Variants in HIP1 observed in about 807,000 individuals in gnomAD.
HIP1 encodes huntingtin interacting protein 1.
In HIP1, 65 loss-of-function variants were observed where a neutral mutation model predicts 147.6. The ratio of observed to expected loss-of-function variants is 0.44; its 90% confidence interval spans 0.36 to 0.54. HIP1 has a LOEUF of 0.54. Among genes scored for constraint, HIP1 ranks in the 20% least tolerant of loss-of-function variants. The pLI is 0.00. For synonymous variants in HIP1, 479 were observed against 504.0 expected (o/e 0.95, Z 0.67); for missense variants, 1,061 against 1,299.6 (o/e 0.82, Z 2.82).
chr7:75,548,295 G>A (rs1794651331), intron 23 of HIP1, among the ~76,000 whole-genome samples: 1 of 151,848 alleles, frequency 6.6e-6, no homozygotes, highest in Non-Finnish European at 1.5e-5. Context: ...CCAAAGTGCT[G>A]GGAATACAGG....
At chr7:75,558,101 G>T in intron 15 of HIP1, 66 bp downstream of exon 15, 2 of 1,350,782 alleles carry the variant, frequency 1.5e-6, no homozygotes, top group Non-Finnish European at 2.1e-6. Context: ...GAAGCCACAG[G>T]CCTGAGCCGC....
At chr7:75,605,358 C>A (rs371038160) in intron 1 of HIP1, among the ~76,000 whole-genome samples, 4 of 151,822 alleles carry the variant, frequency 2.6e-5, no homozygotes, top group African/African-American at 9.7e-5. Context: ...GCCTGAGGGC[C>A]GGGGGGGATG....
In HIP1 at chr7:75,574,224, C is replaced by T. The variant is rs138673704; in HGVS notation, c.605-323G>A. ...AGGAGAATCGCTTGAACCCGAGAGGCAGAGGTTGCAGTGAGCCAAGATCAT... is the reference window on the plus strand; with the variant it reads ...AGGAGAATCGCTTGAACCCGAGAGGTAGAGGTTGCAGTGAGCCAAGATCAT... On this transcript the variant is annotated intron_variant, in intron 7 of 30. Coordinates refer to ENST00000336926, the MANE Select transcript of HIP1 (RefSeq NM_005338.7). Among the ~76,000 whole-genome samples, 721 of 150,898 alleles carry T rather than the reference C, an allele frequency of 4.8e-3. 3 individuals are homozygous for T. The highest frequency in any genetic ancestry group is 0.017 in the African/African-American group (689 of 41,006).
At chr7:75,551,379 C>T (rs587595234) in intron 22 of HIP1, among the ~76,000 whole-genome samples, 1 of 150,828 alleles carries the variant, frequency 6.6e-6, no homozygotes, top group African/African-American at 2.4e-5. Context: ...CCACAACTGG[C>T]TAATTTTGTA....
At chr7:75,600,085 G>A (rs1473839816) in intron 1 of HIP1, among the ~76,000 whole-genome samples, 1 of 149,814 alleles carries the variant, frequency 6.7e-6, no homozygotes, top group African/African-American at 2.5e-5. Flanking sequence ...GGTGATTTGC[G>A]AACCCCAAAG....
intron 1 of HIP1, among the ~76,000 whole-genome samples, chr7:75,689,766 A>G (rs1800384193): frequency 6.6e-6 from 1 of 152,110 alleles, no homozygotes; most frequent in Admixed American, 6.6e-5. Flanking sequence ...TCCCTTAGGT[A>G]TCTCTCTGAG....
chr7:75,610,194 C>T (rs1359399622), intron 1 of HIP1, among the ~76,000 whole-genome samples: 2 of 146,582 alleles, frequency 1.4e-5, no homozygotes, highest in African/African-American at 5.2e-5. Flanking sequence ...TGAGCCACCT[C>T]ATCCAGCCCT....
intron 8 of HIP1, among the ~76,000 whole-genome samples, chr7:75,569,977 C>G (rs1168208122): frequency 2.6e-5 from 4 of 151,756 alleles, no homozygotes; most frequent in Admixed American, 1.3e-4. Context: ...ACTCTGTTGC[C>G]AGGCTGGAGG....
In HIP1 at chr7:75,554,504, T is replaced by C. The variant is rs1563198446; in HGVS notation, c.1986A>G (p.Thr662=). ...GSADHLLSTV[T]SISSCIEQLE... The stretch of plus-strand genomic sequence containing the variant: ...GTTGCTCGATGCAGCTGGAAATGGA[T>C]GTGACCGTGGAGAGGAGGTGATCTG... Residue 662 remains threonine, a synonymous_variant, in exon 20 of 31, where the codon ACA becomes ACG. Coordinates refer to ENST00000336926, the MANE Select transcript of HIP1 (RefSeq NM_005338.7). 14 of 1,613,808 alleles carry C rather than the reference T, an allele frequency of 8.7e-6. No individual in the cohort carries two copies. The highest frequency in any genetic ancestry group is 8.5e-6 in the Non-Finnish European group (10 of 1,179,856).
chr7:75,571,931 C>T (rs794353), intron 8 of HIP1, among the ~76,000 whole-genome samples: 13,579 of 152,066 alleles, frequency 0.089, 626 homozygotes, highest in Non-Finnish European at 0.099. Flanking sequence ...TAAGAACTGG[C>T]GGGTGTGGTG....
intron 1 of HIP1, among the ~76,000 whole-genome samples, chr7:75,611,154 T>C (rs1458169939): frequency 6.6e-6 from 1 of 151,634 alleles, no homozygotes; most frequent in Non-Finnish European, 1.5e-5. Flanking sequence ...GCGCCTGTTC[T>C]ATAAAATTTT....
intron 1 of HIP1, among the ~76,000 whole-genome samples, chr7:75,682,819 CTAATGTGT>C (rs1800135646): frequency 1.3e-5 from 2 of 152,262 alleles, no homozygotes; most frequent in Non-Finnish European, 2.9e-5. Context: ...CTCCTCCTTG[CTAATGTGT>C]CCCCACATTG....
rs116031796 is a variant in HIP1, at chr7:75,563,775, C to T, written c.804-512G>A. Among the ~76,000 whole-genome samples, 465 of 152,320 alleles carry T rather than the reference C, an allele frequency of 3.1e-3. 2 individuals are homozygous for T. Among genetic ancestry groups the T allele is most frequent in the African/African-American group, 0.011 (442 of 41,578 alleles). On this transcript the variant is annotated intron_variant, in intron 9 of 30. Transcript: ENST00000336926. Reference sequence around the variant, plus strand: ...GGGACTGAGCTCCGCTGAGCTGTTTCCCATAATGCCAGGGACAGGGCAGCC... The same window carrying T: ...GGGACTGAGCTCCGCTGAGCTGTTTTCCATAATGCCAGGGACAGGGCAGCC...
At chr7:75,609,428 T>A (rs781994128) in intron 1 of HIP1, among the ~76,000 whole-genome samples, 5 of 152,138 alleles carry the variant, frequency 3.3e-5, no homozygotes, top group Admixed American at 6.6e-5. Context: ...CAGTTTCCCA[T>A]GGCTCACTAA....
intron 21 of HIP1, 83 bp downstream of exon 21, chr7:75,554,030 C>G (rs1794895875): frequency 1.0e-6 from 1 of 987,036 alleles, no homozygotes; most frequent in Non-Finnish European, 1.6e-6. Flanking sequence ...CAGGCATGAG[C>G]CACTGCGCCC....
At chr7:75,721,706 T>C (rs188242837) in intron 1 of HIP1, among the ~76,000 whole-genome samples, 43 of 152,266 alleles carry the variant, frequency 2.8e-4, no homozygotes, top group Non-Finnish European at 4.9e-4. Flanking sequence ...AAGTAACTAA[T>C]TGCAAAAAGT....
At chr7:75,611,988 C>T (rs1554505074) in intron 1 of HIP1, 1 of 519,222 alleles carries the variant, frequency 1.9e-6, no homozygotes, top group Non-Finnish European at 2.5e-6. Context: ...GGGAGCTGGG[C>T]CTGGGCCTGG....
At chr7:75,733,545 T>C (rs1284505219) in intron 1 of HIP1, 2 of 152,744 alleles carry the variant, frequency 1.3e-5, no homozygotes, top group Non-Finnish European at 2.9e-5. Context: ...ATGGGTGCAG[T>C]GGCTGGGCCA....
intron 9 of HIP1, among the ~76,000 whole-genome samples, chr7:75,567,866 G>A (rs147713269): frequency 6.7e-6 from 1 of 148,716 alleles, no homozygotes; most frequent in Non-Finnish European, 1.5e-5. Context: ...CTGAAGTCCA[G>A]TGGCACAATC....
Sources: allele counts gnomAD v4.1 joint callset (sites outside exome capture counted in the v4.1 genomes callset), GRCh38; gene constraint gnomAD v4.1.1; transcripts MANE v1.5; gene names NCBI Gene and HGNC (gene_info 2026-07-23, HGNC 2026-07-21).